The following CFAP157 variants were observed in gnomAD, a reference collection of about 807,000 sequenced individuals.
The protein encoded by CFAP157 is cilia- and flagella-associated protein 157.
CFAP157 carries 43 observed loss-of-function variants against 57.8 expected under a neutral mutation model. The observed-to-expected ratio is 0.74, with a 90% CI of 0.58 to 0.96. The LOEUF is 0.96. CFAP157 is among the 40% of genes least tolerant of loss of function. The pLI is 0.00. For missense variants in CFAP157, 606 were observed against 655.3 expected, an observed-to-expected ratio of 0.92 and a Z score of 0.82; for synonymous variants, 267 against 269.0, an observed-to-expected ratio of 0.99 and a Z score of 0.07.
In CFAP157 at chr9:127,711,960, G is replaced by C. The variant is rs761575758; in HGVS notation, c.986+10G>C. ...ATAACCAGGCACTGAAGTGCGTATGGCCCACGGAGGGGCGGGCGGCGGGTG... is the reference window on the plus strand; with the variant it reads ...ATAACCAGGCACTGAAGTGCGTATGCCCCACGGAGGGGCGGGCGGCGGGTG... On this transcript the variant is annotated intron_variant, in intron 5 of 8. Coordinates refer to ENST00000373295, the MANE Select transcript of CFAP157 (RefSeq NM_001012502.3). 4 of 1,603,212 alleles carry C rather than the reference G, an allele frequency of 2.5e-6. No homozygotes were observed. Among genetic ancestry groups the C allele is most frequent in the Non-Finnish European group, 3.4e-6 (4 of 1,176,650 alleles).
At position 127,714,335 on chromosome 9, in the gene CFAP157, C is replaced by T. The variant is rs374364179; in HGVS notation, c.*430C>T. Reference sequence around the variant, plus strand: ...AGCTTTGGCGAGGTGCTGGGGGACCCCTGGCCCACCCGACCCAGTTGCACA... The same window carrying T: ...AGCTTTGGCGAGGTGCTGGGGGACCTCTGGCCCACCCGACCCAGTTGCACA... On this transcript the variant is annotated 3_prime_UTR_variant, in exon 9 of 9. Coordinates refer to ENST00000373295, the MANE Select transcript of CFAP157 (RefSeq NM_001012502.3). 6 of 1,614,140 alleles carry T rather than the reference C, an allele frequency of 3.7e-6. No homozygotes were observed. The highest frequency in any genetic ancestry group is 5.1e-6 in the Non-Finnish European group (6 of 1,180,008).
In CFAP157 at chr9:127,713,922, C is replaced by A. The variant is rs1489782451; in HGVS notation, c.*17C>A. 2.5e-6 allele frequency: 4 copies of A among 1,611,604 alleles called. No homozygotes were observed. The highest frequency in any genetic ancestry group is 1.3e-5 in the African/African-American group (1 of 75,000). On this transcript the variant is annotated 3_prime_UTR_variant, in exon 9 of 9. Transcript: ENST00000373295. ...CCCAAGTAGGACACAGAGAGAAGAACCTACTCCAGAAATGGACTGGTCCAG... is the reference window on the plus strand; with the variant it reads ...CCCAAGTAGGACACAGAGAGAAGAAACTACTCCAGAAATGGACTGGTCCAG...
Position 127,711,815 on chromosome 9 carries a change from C to A in CFAP157, c.856-5C>A, listed in dbSNP as rs371388623. The A allele has an allele frequency of 6.4e-5, 100 of 1,559,366 alleles. No individual in the cohort carries two copies. Among genetic ancestry groups the A allele is most frequent in the Non-Finnish European group, 8.3e-5 (96 of 1,151,746 alleles). On this transcript the variant is annotated splice_region_variant and splice_polypyrimidine_tract_variant and intron_variant, in intron 4 of 8. Transcript: ENST00000373295. ...GAGGGCATGGCCACCTGTCCGCACC[C>A]GCAGATCATCCTCATGCTGACTAAG...
At chr9:127,712,086 G>A in intron 5 of CFAP157, 113 bp from the exon 6 acceptor site, 1 of 1,512,646 alleles carries the variant, frequency 6.6e-7, no homozygotes, top group East Asian at 2.4e-5. Context: ...TGAGGCTTGG[G>A]GCGGGATGGG....
chr9:127,714,490 C>G lies in CFAP157; in HGVS notation c.*585C>G, dbSNP rs914773135. The G allele has an allele frequency of 2.7e-5, 44 of 1,607,286 alleles. No individual in the cohort carries two copies. Among genetic ancestry groups the G allele is most frequent in the Non-Finnish European group, 3.7e-5 (44 of 1,174,046 alleles). On this transcript the variant is annotated 3_prime_UTR_variant, in exon 9 of 9. Coordinates refer to ENST00000373295, the MANE Select transcript of CFAP157 (RefSeq NM_001012502.3). ...GCAGTGTCCTTCCACCCCTCCCTGC[C>G]CCGGCTGGGTCAGAGCAGCCCATTT...
At position 127,711,420 on chromosome 9, in the gene CFAP157, A is replaced by G. The variant is rs1309446039; in HGVS notation, c.779A>G (p.Asn260Ser). The G allele has an allele frequency of 1.2e-6, 2 of 1,614,178 alleles. No homozygotes were observed. The highest frequency in any genetic ancestry group is 1.3e-5 in the African/African-American group (1 of 75,080). ...QENEQLKGRQ[N>S]NLCKQLELLE... ...AATGAGCAGCTCAAGGGAAGACAGA[A>G]CAATCTGTGCAAACAGCTGGAGCTG... The change falls in exon 4 of 9, where the codon AAC becomes AGC. Residue 260 changes from asparagine (N) to serine (S), a missense_variant. Physicochemically the swap from Asn to Ser is conservative, Grantham distance 46 (BLOSUM62 1). Transcript: ENST00000373295.
chr9:127,713,717 G>A, intron 8 of CFAP157, 117 bp from the exon 9 acceptor site: 2 of 778,524 alleles, frequency 2.6e-6, no homozygotes, highest in Non-Finnish European at 4.5e-6. Flanking sequence ...ATGTTGGCCA[G>A]GCTGGTCTCG....
At position 127,712,778 on chromosome 9, in the gene CFAP157, C is replaced by A. The variant is rs747287030; in HGVS notation, c.1207C>A (p.Gln403Lys). Residue 403 changes from glutamine to lysine, a missense_variant, in exon 7 of 9, where the codon CAA becomes AAA. Coordinates refer to ENST00000373295, the MANE Select transcript of CFAP157 (RefSeq NM_001012502.3). ...GCCATGGCACAAGGAGATGCTGCAG[C>A]AACTGCTGGTCATGCTCAGCTCCAC... ...FQPWHKEMLQ[Q>K]LLVMLSSTVA... The A allele has an allele frequency of 2.5e-6, 4 of 1,614,086 alleles. 1 individual carries two copies. The highest frequency in any genetic ancestry group is 3.4e-6 in the Non-Finnish European group (4 of 1,180,048).
At position 127,714,957 on chromosome 9, in the gene CFAP157, C is replaced by G; in HGVS notation, c.*1052C>G. 1 of 1,353,160 alleles carries G rather than the reference C, an allele frequency of 7.4e-7. No homozygotes were observed. The highest frequency in any genetic ancestry group is 9.8e-7 in the Non-Finnish European group (1 of 1,023,720). 83.8% of individuals were successfully genotyped at this position (1,353,160 alleles called of 1,614,324 possible). On this transcript the variant is annotated 3_prime_UTR_variant, in exon 9 of 9. Transcript: ENST00000373295. Reference sequence around the variant, plus strand: ...ACCCCCTTGGCCCGCCCGCCCACCCCTGGCGCTCTCAACTCACCAGCCCGG... The same window carrying G: ...ACCCCCTTGGCCCGCCCGCCCACCCGTGGCGCTCTCAACTCACCAGCCCGG...
chr9:127,715,366 G>A lies in CFAP157; in HGVS notation c.*1461G>A, dbSNP rs1392871915. 2 of 1,232,064 alleles carry A rather than the reference G, an allele frequency of 1.6e-6. No individual in the cohort carries two copies. Among genetic ancestry groups the A allele is most frequent in the Middle Eastern group, 3.7e-4 (2 of 5,444 alleles). The allele number at this position is 1,232,064 out of a possible 1,614,324, so 76.3% of individuals were successfully genotyped here. On this transcript the variant is annotated 3_prime_UTR_variant, in exon 9 of 9. Coordinates refer to ENST00000373295, the MANE Select transcript of CFAP157 (RefSeq NM_001012502.3). The surrounding 1 kb of genome is among the most constrained non-coding windows in gnomAD (Gnocchi z 5.8). ...ACCCCTGAGAACTCCAGAAGGCTGGGCAGGCAGGGCGCCCTAGTGCAGGAA... is the reference window on the plus strand; with the variant it reads ...ACCCCTGAGAACTCCAGAAGGCTGGACAGGCAGGGCGCCCTAGTGCAGGAA...
chr9:127,713,602 G>A (rs896673810), intron 8 of CFAP157: 1 of 402,796 alleles, frequency 2.5e-6, no homozygotes. Context: ...CGCCTCCCAG[G>A]TTCAAGTGAT....
Position 127,715,203 on chromosome 9 carries a change from G to A in CFAP157, c.*1298G>A. ...TTCCCCAGGCCAGCCACCTGCGGGCGGCACCAGGGAAACTGAGGCCCAACA... is the reference window on the plus strand; with the variant it reads ...TTCCCCAGGCCAGCCACCTGCGGGCAGCACCAGGGAAACTGAGGCCCAACA... On this transcript the variant is annotated 3_prime_UTR_variant, in exon 9 of 9. Transcript: ENST00000373295. The surrounding 1 kb of genome is among the most constrained non-coding windows in gnomAD (Gnocchi z 5.8). The A allele has an allele frequency of 6.6e-7, 1 of 1,525,112 alleles. No individual in the cohort carries two copies. Among genetic ancestry groups the A allele is most frequent in the Non-Finnish European group, 8.8e-7 (1 of 1,139,682 alleles). 94.5% of individuals were successfully genotyped at this position (1,525,112 alleles called of 1,614,324 possible).
Position 127,712,267 on chromosome 9 carries a change from A to T in CFAP157, c.1055A>T (p.Glu352Val). Reference protein sequence around the residue: ...QQVDLQRLQQELANEQKVRAS... With the variant: ...QQVDLQRLQQVLANEQKVRAS... ...GTGGATTTGCAGCGGCTACAGCAGG[A>T]ACTGGCTAATGAGCAGAAGGTTCGG... Residue 352 changes from glutamate (E) to valine (V), a missense_variant, in exon 6 of 9, where the codon GAA (glutamate) becomes GTA (valine). Glu to Val is a moderately radical substitution (Grantham distance 121). Transcript: ENST00000373295. 1 of 1,614,010 alleles carries T rather than the reference A, an allele frequency of 6.2e-7. No homozygotes were observed. The highest frequency in any genetic ancestry group is 8.5e-7 in the Non-Finnish European group (1 of 1,180,000).
In CFAP157 at chr9:127,712,857, A is replaced by T; in HGVS notation, c.1286A>T (p.His429Leu). ...AACPHQESQS[H>L]GPPKESRPSI... is the part of the protein sequence containing the mutation. ...TGTCCCCACCAGGAGTCACAGTCCC[A>T]TGGCCCACCCAAGGAGAGGTAAGCA... The change falls in exon 7 of 9, where the codon CAT becomes CTT. Residue 429 changes from histidine (H) to leucine (L), a missense_variant. By Grantham distance (99) the His-to-Leu change is moderately conservative (BLOSUM62 -3). Transcript: ENST00000373295. 6.2e-7 allele frequency: 1 copy of T among 1,612,332 alleles called. No individual in the cohort carries two copies. The highest frequency in any genetic ancestry group is 8.5e-7 in the Non-Finnish European group (1 of 1,179,130).
rs1311690555 is a variant in CFAP157, at chr9:127,714,336, C to A, written c.*431C>A. ...GCTTTGGCGAGGTGCTGGGGGACCC[C>A]TGGCCCACCCGACCCAGTTGCACAA... On this transcript the variant is annotated 3_prime_UTR_variant, in exon 9 of 9. Transcript: ENST00000373295. 3 of 1,614,178 alleles carry A rather than the reference C, an allele frequency of 1.9e-6. No homozygotes were observed. The highest frequency in any genetic ancestry group is 2.5e-6 in the Non-Finnish European group (3 of 1,180,004).
chr9:127,711,834 G>A lies in CFAP157; in HGVS notation c.870G>A (p.Leu290=). 1 of 1,569,454 alleles carries A rather than the reference G, an allele frequency of 6.4e-7. No homozygotes were observed. The change falls in exon 5 of 9, where the codon CTG becomes CTA. Residue 290 remains leucine, a synonymous_variant. Transcript: ENST00000373295. ...KRGHQKIILM[L]TKKCQEQQQD... ...CGCACCCGCAGATCATCCTCATGCT[G>A]ACTAAGAAGTGCCAGGAGCAGCAGC... is the stretch of plus-strand genomic sequence containing the variant.
rs748323582 is a variant in CFAP157 at position 127,714,386 on chromosome 9, T to C, written c.*481T>C. ...ACAAAAGGGTAGACTCACATTGGAG[T>C]TGAGGCAGCTAATGCAGGAACGGAC... On this transcript the variant is annotated 3_prime_UTR_variant, in exon 9 of 9. Coordinates refer to ENST00000373295, the MANE Select transcript of CFAP157 (RefSeq NM_001012502.3). 3.0e-5 allele frequency: 49 copies of C among 1,613,904 alleles called. No homozygotes were observed. Among genetic ancestry groups the C allele is most frequent in the Non-Finnish European group, 4.2e-5 (49 of 1,179,952 alleles).
At position 127,715,328 on chromosome 9, in the gene CFAP157, GC is replaced by G; in HGVS notation, c.*1426del. On this transcript the variant is annotated 3_prime_UTR_variant, in exon 9 of 9. Coordinates refer to ENST00000373295, the MANE Select transcript of CFAP157 (RefSeq NM_001012502.3). The surrounding 1 kb of genome is among the most constrained non-coding windows in gnomAD (Gnocchi z 5.8). ...AGTGGGGAAGGGGCGCGAAGAAGGG[GC>G]CCAGAAACCCGACCCCTGAGAACTC... The G allele has an allele frequency of 7.8e-7, 1 of 1,278,884 alleles. No homozygotes were observed. The highest frequency in any genetic ancestry group is 1.8e-4 in the Middle Eastern group (1 of 5,506). The allele number at this position is 1,278,884 out of a possible 1,614,324, so 79.2% of individuals were successfully genotyped here.
In CFAP157 at chr9:127,714,623, C is replaced by T; in HGVS notation, c.*718C>T. On this transcript the variant is annotated 3_prime_UTR_variant, in exon 9 of 9. Coordinates refer to ENST00000373295, the MANE Select transcript of CFAP157 (RefSeq NM_001012502.3). Reference sequence around the variant, plus strand: ...CTCACCTGGCACTGCCCCCCAGCTTCAGAGCCAGTCTCCCCAGGGGCTTGT... The same window carrying T: ...CTCACCTGGCACTGCCCCCCAGCTTTAGAGCCAGTCTCCCCAGGGGCTTGT... 1.9e-6 allele frequency: 3 copies of T among 1,614,036 alleles called. No homozygotes were observed. Among genetic ancestry groups the T allele is most frequent in the Non-Finnish European group, 2.5e-6 (3 of 1,179,932 alleles).
Sources: allele counts gnomAD v4.1 joint callset, GRCh38; gene constraint gnomAD v4.1.1; non-coding constraint Gnocchi (gnomAD v3.1); transcripts MANE v1.5; gene names NCBI Gene and HGNC (gene_info 2026-07-23, HGNC 2026-07-21).